The following SLC37A1 variants were observed in gnomAD, a reference collection of about 807,000 sequenced individuals.
SLC37A1 encodes the protein glucose-6-phosphate exchanger SLC37A1.
SLC37A1 carries 49 observed loss-of-function variants against 75.3 expected under a neutral mutation model. That is an observed-to-expected ratio of 0.65 (90% CI 0.52 to 0.83). The LOEUF is 0.83. SLC37A1 is among the 40% of genes least tolerant of loss of function. The pLI is 0.00. For missense variants in SLC37A1, 566 were observed against 695.0 expected, an observed-to-expected ratio of 0.81 and a Z score of 2.09; for synonymous variants, 268 against 292.1, an observed-to-expected ratio of 0.92 and a Z score of 0.84.
intron 2 of SLC37A1, among the ~76,000 whole-genome samples, chr21:42,520,608 T>A (rs139199508): frequency 3.9e-5 from 6 of 152,168 alleles, no homozygotes; most frequent in Non-Finnish European, 8.8e-5. Context: ...GATAAACTGG[T>A]GATGGTCGAT....
At position 42,528,298 on chromosome 21, in the gene SLC37A1, G is replaced by A. The variant is rs186823427; in HGVS notation, c.138+2441G>A. On this transcript the variant is annotated intron_variant, in intron 3 of 19. Transcript: ENST00000352133. The stretch of plus-strand genomic sequence containing the variant: ...CCCTTCTATCTGCTGCTCCAGCTGT[G>A]GCCTAGCCTCAGGACTCAAGGCAAG... Among the ~76,000 whole-genome samples, 130 of 152,270 alleles carry A rather than the reference G, an allele frequency of 8.5e-4. 1 individual carries two copies. The highest frequency in any genetic ancestry group is 3.1e-3 in the African/African-American group (129 of 41,554).
At chr21:42,539,469 C>G in intron 5 of SLC37A1, 43 bp from the exon 6 acceptor site, 1 of 1,575,852 alleles carries the variant, frequency 6.3e-7, no homozygotes, top group Non-Finnish European at 8.6e-7. Context: ...AACATTCGGG[C>G]GTGTTTGTTA....
intron 6 of SLC37A1, among the ~76,000 whole-genome samples, chr21:42,541,338 G>A (rs1231661623): frequency 6.6e-6 from 1 of 152,200 alleles, no homozygotes; most frequent in African/African-American, 2.4e-5. Flanking sequence ...CTGCTCTAGA[G>A]AGCTGGCTTA....
intron 3 of SLC37A1, among the ~76,000 whole-genome samples, chr21:42,534,118 C>T (rs2146832830): frequency 6.6e-6 from 1 of 152,288 alleles, no homozygotes; most frequent in Middle Eastern, 3.4e-3. Context: ...CACATTGTCC[C>T]CCTTTAGGTA....
At chr21:42,501,438 C>T (rs922395785) in intron 1 of SLC37A1, among the ~76,000 whole-genome samples, 4 of 152,178 alleles carry the variant, frequency 2.6e-5, no homozygotes, top group Admixed American at 6.5e-5. Flanking sequence ...GGGCCGGGAG[C>T]GGTGGCTCAC....
Position 42,554,048 on chromosome 21 carries a change from T to C in SLC37A1, c.769-14T>C, listed in dbSNP as rs559185359. 3.1e-6 allele frequency: 5 copies of C among 1,596,284 alleles called. No individual in the cohort carries two copies. Among genetic ancestry groups the C allele is most frequent in the African/African-American group, 2.7e-5 (2 of 73,946 alleles). ...GAATCAGTATCGCTCTAATGAAACT[T>C]TTTTTTTTACCAGCACTCAAAAGGC... On this transcript the variant is annotated splice_polypyrimidine_tract_variant and intron_variant, in intron 9 of 19. Transcript: ENST00000352133.
chr21:42,564,850 T>C, intron 14 of SLC37A1, 57 bp downstream of exon 14: 1 of 1,489,688 alleles, frequency 6.7e-7, no homozygotes, highest in Non-Finnish European at 9.2e-7. Flanking sequence ...CCCACTGTCC[T>C]CCTCGCCAGC....
chr21:42,540,911 TTC>T (rs2055263684), intron 6 of SLC37A1, among the ~76,000 whole-genome samples: 1 of 152,334 alleles, frequency 6.6e-6, no homozygotes, highest in Non-Finnish European at 1.5e-5. Context: ...CCCAGCATGT[TTC>T]TGGAGTGAAG....
rs140199735 is a variant in SLC37A1, at chr21:42,507,773, A to G, written c.-179+5356A>G. ...GGGAGGTGCCAGGCTCCTTCTAATCAGTGCTCACAGGGACTGATACAGTGA... is the reference window on the plus strand; with the variant it reads ...GGGAGGTGCCAGGCTCCTTCTAATCGGTGCTCACAGGGACTGATACAGTGA... On this transcript the variant is annotated intron_variant, in intron 2 of 20. Coordinates refer to the SLC37A1 transcript ENST00000398341. Among the ~76,000 whole-genome samples, 192 of 152,206 alleles carry G rather than the reference A, an allele frequency of 1.3e-3. 1 individual carries two copies. Among genetic ancestry groups the G allele is most frequent in the African/African-American group, 4.1e-3 (172 of 41,522 alleles).
intron 2 of SLC37A1, among the ~76,000 whole-genome samples, chr21:42,518,892 C>T (rs374828745): frequency 6.6e-6 from 1 of 152,194 alleles, no homozygotes; most frequent in Non-Finnish European, 1.5e-5. Context: ...CTTGCCGGGG[C>T]AGAACTTTCA....
In SLC37A1 at chr21:42,514,200, G is replaced by C. The variant is rs1331467695; in HGVS notation, c.-696G>C. The C allele has an allele frequency of 6.6e-6, 1 of 152,096 alleles. No individual in the cohort carries two copies. Among genetic ancestry groups the C allele is most frequent in the Non-Finnish European group, 1.5e-5 (1 of 68,008 alleles). 9.4% of individuals were successfully genotyped at this position (152,096 alleles called of 1,614,324 possible). ...GGAAGTCTTTGAAATACGACATCTA[G>C]AAGAGTGGCCCTCGGCGACAATGCC... is the stretch of plus-strand genomic sequence containing the variant. On this transcript the variant is annotated 5_prime_UTR_variant, in exon 1 of 20. Coordinates refer to ENST00000352133, the MANE Select transcript of SLC37A1 (RefSeq NM_001320537.2). The surrounding 1 kb of genome is among the most constrained non-coding windows in gnomAD (Gnocchi z 4.8).
upstream of SLC37A1, among the ~76,000 whole-genome samples, chr21:42,510,639 T>C (rs2054424290): frequency 6.6e-6 from 1 of 151,450 alleles, no homozygotes; most frequent in Non-Finnish European, 1.5e-5. Context: ...GCTTTAAGGA[T>C]ACACATAGGC....
At position 42,580,900 on chromosome 21, in the gene SLC37A1, C is replaced by T. The variant is rs934018337; in HGVS notation, c.*540C>T. On this transcript the variant is annotated 3_prime_UTR_variant, in exon 20 of 20. Transcript: ENST00000352133. ...CCGACAACCAGGTTGGAAACCAAGA[C>T]GGAGCTCAGACCCACCACATCGCCC... 7.3e-5 allele frequency: 12 copies of T among 165,400 alleles called. No individual in the cohort carries two copies. The highest frequency in any genetic ancestry group is 1.3e-4 in the Non-Finnish European group (10 of 76,364). The allele number at this position is 165,400 out of a possible 1,614,324, so 10.2% of individuals were successfully genotyped here.
chr21:42,503,248 C>CTTTTTT (rs11444113), intron 2 of SLC37A1, among the ~76,000 whole-genome samples: 1 of 125,766 alleles, frequency 8.0e-6, no homozygotes, highest in African/African-American at 3.0e-5. Context: ...AATTATACTC[C>CTTTTTT]TTTTTTTTTT....
upstream of SLC37A1, among the ~76,000 whole-genome samples, chr21:42,510,105 G>A (rs1037784923): frequency 7.9e-5 from 12 of 152,240 alleles, no homozygotes; most frequent in Non-Finnish European, 5.9e-5. Context: ...TCAGCTCACT[G>A]CAACCTCTGC....
chr21:42,540,038 A>G (rs2055235746), intron 6 of SLC37A1, among the ~76,000 whole-genome samples: 1 of 117,582 alleles, frequency 8.5e-6, no homozygotes, highest in Admixed American at 9.2e-5. Flanking sequence ...TCACCCTAAC[A>G]GCGGTGGCAG....
chr21:42,555,498 G>A (rs73375810), intron 10 of SLC37A1, among the ~76,000 whole-genome samples: 4,885 of 152,260 alleles, frequency 0.032, 265 homozygotes, highest in African/African-American at 0.11. Flanking sequence ...ATGATGTCTC[G>A]TGCATCTGGG....
In SLC37A1 at chr21:42,552,419, T is replaced by A. The variant is rs568381248; in HGVS notation, c.769-1643T>A. Among the ~76,000 whole-genome samples the A allele has an allele frequency of 1.3e-5, 2 of 152,314 alleles. No homozygotes were observed. The highest frequency in any genetic ancestry group is 4.1e-4 in the South Asian group (2 of 4,830). On this transcript the variant is annotated intron_variant, in intron 9 of 19. Coordinates refer to ENST00000352133, the MANE Select transcript of SLC37A1 (RefSeq NM_001320537.2). This position sits in a 1 kb window ranked among gnomAD's most constrained non-coding sequence, Gnocchi z 4.2. ...AAATCTGGAGAGAGCCAGCCCAGGATGATGTGGGGTGTGCGTGTTGAGTGT... is the reference window on the plus strand; with the variant it reads ...AAATCTGGAGAGAGCCAGCCCAGGAAGATGTGGGGTGTGCGTGTTGAGTGT...
chr21:42,580,165 G>A (rs1433450014), intron 19 of SLC37A1, among the ~76,000 whole-genome samples, 180 bp from the exon 20 acceptor site: 1 of 151,858 alleles, frequency 6.6e-6, no homozygotes, highest in Non-Finnish European at 1.5e-5. Context: ...CCCCCAGAAG[G>A]CTGCGGGAAA....
Sources: allele counts gnomAD v4.1 joint callset (sites outside exome capture counted in the v4.1 genomes callset), GRCh38; gene constraint gnomAD v4.1.1; non-coding constraint Gnocchi (gnomAD v3.1); transcripts MANE v1.5; gene names NCBI Gene and HGNC (gene_info 2026-07-23, HGNC 2026-07-21).